Variants in PRKG1 observed in about 807,000 individuals in gnomAD.
PRKG1 encodes the protein protein kinase cGMP-dependent 1.
Under a neutral mutation model 88.1 loss-of-function variants are expected in PRKG1, and 35 were observed. The ratio of observed to expected loss-of-function variants is 0.40; its 90% CI spans 0.30 to 0.53. PRKG1 has a LOEUF of 0.53. Among genes scored for constraint, PRKG1 ranks in the 20% least tolerant of loss-of-function variants. PRKG1 has a pLI of 0.59. For synonymous variants in PRKG1, 303 were observed against 292.5 expected, an observed-to-expected ratio of 1.04 and a Z score of -0.37; for missense variants, 540 against 839.8, an observed-to-expected ratio of 0.64 and a Z score of 4.41.
At chr10:51,197,697 AG>A (rs2132050516) in intron 2 of PRKG1, among the ~76,000 whole-genome samples, 1 of 152,114 alleles carries the variant, frequency 6.6e-6, no homozygotes, top group South Asian at 2.1e-4. Flanking sequence ...AATCATTAAA[AG>A]GCTATCTCCT....
chr10:52,067,141 C>A (rs1846373640), intron 7 of PRKG1, among the ~76,000 whole-genome samples: 1 of 152,032 alleles, frequency 6.6e-6, no homozygotes, highest in Admixed American at 6.5e-5. Flanking sequence ...TATATAAAAT[C>A]TTTTGGGCAA....
chr10:52,220,256 A>G (rs1024869522), intron 9 of PRKG1, among the ~76,000 whole-genome samples: 9 of 152,116 alleles, frequency 5.9e-5, no homozygotes, highest in Admixed American at 5.9e-4. Flanking sequence ...TCACCCTATC[A>G]TGAAGACACT....
intron 2 of PRKG1, among the ~76,000 whole-genome samples, chr10:51,328,488 T>G (rs1841650092): frequency 6.6e-6 from 1 of 152,242 alleles, no homozygotes. Context: ...CCTTTGGATA[T>G]ATACCTAGTG....
chr10:51,483,168 C>T (rs936376213), intron 3 of PRKG1, among the ~76,000 whole-genome samples: 8 of 151,972 alleles, frequency 5.3e-5, no homozygotes, highest in Non-Finnish European at 1.0e-4. Context: ...CTATAGGCGC[C>T]TGCCACCACG....
At chr10:51,787,318 C>G (rs1589286406) in intron 3 of PRKG1, among the ~76,000 whole-genome samples, 1 of 152,188 alleles carries the variant, frequency 6.6e-6, no homozygotes, top group East Asian at 1.9e-4. Context: ...TAAATAAGAG[C>G]CCTGTGCTTA....
chr10:52,127,993 A>T (rs1388439405), intron 7 of PRKG1: 2 of 961,088 alleles, frequency 2.1e-6, no homozygotes, highest in Admixed American at 6.2e-5. Context: ...TAATTAATTT[A>T]TTTCATTTTT....
chr10:51,643,550 A>G (rs968218142), intron 3 of PRKG1, among the ~76,000 whole-genome samples: 2 of 152,170 alleles, frequency 1.3e-5, no homozygotes, highest in Non-Finnish European at 2.9e-5. Context: ...AGGAAGTAAT[A>G]TTTATATTTG....
chr10:51,003,988 C>T (rs1265954793), intron 1 of PRKG1, among the ~76,000 whole-genome samples: 2 of 152,086 alleles, frequency 1.3e-5, no homozygotes, highest in African/African-American at 4.8e-5. Flanking sequence ...TGCAAGCATT[C>T]AATGCTGCAA....
intron 3 of PRKG1, among the ~76,000 whole-genome samples, chr10:51,603,467 C>G (rs140645479): frequency 6.6e-6 from 1 of 152,162 alleles, no homozygotes; most frequent in Admixed American, 6.5e-5. Context: ...AGGGAAAGCG[C>G]TATCCCTTTC....
At chr10:51,279,384 C>A (rs1053418201) in intron 2 of PRKG1, among the ~76,000 whole-genome samples, 3 of 152,084 alleles carry the variant, frequency 2.0e-5, no homozygotes, top group Admixed American at 1.3e-4. Context: ...ATTATGTGGT[C>A]AATTTTGGAA....
chr10:51,696,953 G>A (rs41305705), intron 3 of PRKG1: 14,304 of 150,972 alleles, frequency 0.095, 779 homozygotes, highest in African/African-American at 0.15. Context: ...TCATCAGAGC[G>A]GACTTAAGTA....
intron 5 of PRKG1, among the ~76,000 whole-genome samples, chr10:51,936,630 T>TG: frequency 1.3e-5 from 2 of 152,160 alleles, no homozygotes; most frequent in South Asian, 4.1e-4. Context: ...TTTATCATGC[T>TG]GGGGGTAGAG....
intron 2 of PRKG1, among the ~76,000 whole-genome samples, chr10:51,392,999 A>G (rs1274076612): frequency 1.3e-5 from 2 of 150,424 alleles, no homozygotes; most frequent in African/African-American, 4.9e-5. Flanking sequence ...GCTGCCGGGC[A>G]GAGACACTCC....
chr10:52,097,588 A>G (rs1191523514), intron 7 of PRKG1, among the ~76,000 whole-genome samples: 1 of 152,012 alleles, frequency 6.6e-6, no homozygotes, highest in African/African-American at 2.4e-5. Flanking sequence ...TTGATATTAT[A>G]CTTTACTCAT....
intron 2 of PRKG1, among the ~76,000 whole-genome samples, chr10:51,214,722 C>G (rs1838324872): frequency 6.6e-6 from 1 of 152,104 alleles, no homozygotes; most frequent in Admixed American, 6.6e-5. Context: ...AAGCAGTCCT[C>G]CCGCTTGGCC....
At chr10:51,898,901 C>T (rs1841916346) in intron 4 of PRKG1, among the ~76,000 whole-genome samples, 1 of 152,074 alleles carries the variant, frequency 6.6e-6, no homozygotes, top group South Asian at 2.1e-4. Flanking sequence ...TAATTGTGCA[C>T]TTTATATTTT....
At position 51,656,910 on chromosome 10, in the gene PRKG1, G is replaced by T. The variant is rs553082453; in HGVS notation, c.593-147675G>T. ...AAATTTAAGAGTACAGACTCTGAAA[G>T]CTTCGTGACTATGAATCTTGACTTT... On this transcript the variant is annotated intron_variant, in intron 3 of 17. Transcript: ENST00000373980. Among the ~76,000 whole-genome samples the T allele has an allele frequency of 5.9e-5, 9 of 152,238 alleles. No individual in the cohort carries two copies. In the South Asian group the frequency reaches 1.9e-3, roughly 32 times the overall value.
In PRKG1 at chr10:51,090,383, G is replaced by C. The variant is rs571054620; in HGVS notation, c.311+15482G>C. Among the ~76,000 whole-genome samples, 17 of 152,240 alleles carry C rather than the reference G, an allele frequency of 1.1e-4. No homozygotes were observed. The South Asian group carries it at 3.3e-3, about 30-fold the overall frequency. On this transcript the variant is annotated intron_variant, in intron 1 of 17. Coordinates refer to ENST00000373980, the MANE Select transcript of PRKG1 (RefSeq NM_006258.4). The stretch of plus-strand genomic sequence containing the variant: ...TTGGCTTTACTGAGTATGACTCAGA[G>C]GAAGATTGAGTGACAGAAAGGATCC...
At chr10:52,043,806 T>C (rs959533815) in intron 5 of PRKG1, among the ~76,000 whole-genome samples, 1 of 150,822 alleles carries the variant, frequency 6.6e-6, no homozygotes, top group Non-Finnish European at 1.5e-5. Context: ...TTCATAAATA[T>C]GTACAATTAT....
Sources: gnomAD v4.1 joint callset for allele counts (sites outside exome capture counted in the v4.1 genomes callset) on GRCh38, gnomAD v4.1.1 for gene constraint, MANE v1.5 for transcripts, NCBI Gene and HGNC (gene_info 2026-07-23, HGNC 2026-07-21) for gene names.